The following MROH1 variants were observed in gnomAD, a reference collection of about 807,000 sequenced individuals.
MROH1 encodes maestro heat like repeat family member 1.
MROH1 carries 117 observed loss-of-function variants against 116.5 expected under a neutral mutation model. The ratio of observed to expected loss-of-function variants is 1.00; its 90% CI spans 0.86 to 1.17. MROH1 has a LOEUF of 1.17. Ranked by LOEUF, MROH1 falls within the 50% of genes most tolerant of loss-of-function variation. The pLI is 0.00. For synonymous variants in MROH1, 921 were observed against 583.9 expected (o/e 1.58, Z -8.32); for missense variants, 1,873 against 1,338.5 (o/e 1.40, Z -6.23).
chr8:144,177,780 CT>C, intron 4 of MROH1, among the ~76,000 whole-genome samples: 1 of 1,338 alleles, frequency 7.5e-4, no homozygotes, highest in Non-Finnish European at 2.6e-3. Flanking sequence ...CATGTGGCTT[CT>C]TCTCTTCCTC....
At chr8:144,188,852 C>A (rs888983854) in intron 7 of MROH1, among the ~76,000 whole-genome samples, 1 of 152,058 alleles carries the variant, frequency 6.6e-6, no homozygotes, top group African/African-American at 2.4e-5. Context: ...GTGGGAGAGC[C>A]AGGACTAGGC....
chr8:144,211,168 T>G (rs1834010423), intron 12 of MROH1, among the ~76,000 whole-genome samples: 1 of 152,192 alleles, frequency 6.6e-6, no homozygotes, highest in South Asian at 2.1e-4. Context: ...TTCTAGCACA[T>G]TGGCAGCTGG....
rs546375950 is a variant in MROH1 at position 144,194,148 on chromosome 8, C to T, written c.948+1747C>T. Among the ~76,000 whole-genome samples the T allele has an allele frequency of 2.5e-3, 379 of 152,222 alleles. 2 individuals are homozygous for T. Among genetic ancestry groups the T allele is most frequent in the Middle Eastern group, 0.014 (4 of 294 alleles). ...TGCGATCTTGGCTCACTGCAACCTC[C>T]GCCTCCTGGGTTTAAGCAATTCTCT... On this transcript the variant is annotated intron_variant, in intron 10 of 43. Transcript: ENST00000326134.
intron 12 of MROH1, among the ~76,000 whole-genome samples, chr8:144,218,388 C>T (rs916224270): frequency 2.0e-5 from 3 of 152,050 alleles, no homozygotes; most frequent in Admixed American, 6.6e-5. Flanking sequence ...GCACCGGACT[C>T]CTGCACCTAT....
rs1374124122 is a variant in MROH1 at position 144,260,256 on chromosome 8, G to C, written c.4262G>C (p.Ser1421Thr). ...CTGGACGACGGGGACAACCCTCACA[G>C]CCCAGTGGCCCTGGAGGCCATGCTG... ...GGLDDGDNPH[S>T]PVALEAMLGL... Residue 1421 changes from serine (S) to threonine (T), a missense_variant, in exon 39 of 44, where the codon AGC becomes ACC. Transcript: ENST00000326134. The C allele has an allele frequency of 1.3e-6, 1 of 766,342 alleles. No individual in the cohort carries two copies. The highest frequency in any genetic ancestry group is 2.4e-6 in the Non-Finnish European group (1 of 417,410). 47.5% of individuals were successfully genotyped at this position (766,342 alleles called of 1,614,324 possible).
At chr8:144,224,024 C>A (rs1297297024) in intron 14 of MROH1, among the ~76,000 whole-genome samples, 3 of 152,198 alleles carry the variant, frequency 2.0e-5, no homozygotes, top group African/African-American at 7.2e-5. Context: ...GTTCTGCAGG[C>A]CCCAGCAGGT....
Position 144,163,907 on chromosome 8 carries a change from C to G in MROH1, c.22+59C>G, listed in dbSNP as rs1438406673. ...GAGGCCTCTCTTGCCTCTGGGTGGTCAGGGCAGGCCAAGGCTCTTACCAGC... is the reference window on the plus strand; with the variant it reads ...GAGGCCTCTCTTGCCTCTGGGTGGTGAGGGCAGGCCAAGGCTCTTACCAGC... On this transcript the variant is annotated intron_variant, in intron 3 of 43. Coordinates refer to ENST00000326134, the MANE Select transcript of MROH1 (RefSeq NM_032450.3). The surrounding 1 kb of genome is among the most constrained non-coding windows in gnomAD (Gnocchi z 4.4). 1 of 1,585,418 alleles carries G rather than the reference C, an allele frequency of 6.3e-7. No homozygotes were observed. The highest frequency in any genetic ancestry group is 8.6e-7 in the Non-Finnish European group (1 of 1,156,536).
chr8:144,229,564 C>G (rs184650166), intron 14 of MROH1, among the ~76,000 whole-genome samples: 3 of 151,782 alleles, frequency 2.0e-5, no homozygotes, highest in Admixed American at 6.6e-5. Context: ...TTTGTTTTGT[C>G]TTGTTTTTTT....
rs1472927413 is a variant in MROH1 at position 144,243,592 on chromosome 8, A to G, written c.2451A>G (p.Lys817=). 1 of 779,912 alleles carries G rather than the reference A, an allele frequency of 1.3e-6. No individual in the cohort carries two copies. The highest frequency in any genetic ancestry group is 2.4e-6 in the Non-Finnish European group (1 of 417,826). 48.3% of individuals were successfully genotyped at this position (779,912 alleles called of 1,614,324 possible). A position where few individuals can be genotyped will look rare whatever the true frequency, so the allele number is the denominator to read the frequency against. ...TQAGSFHFTR[K]AELVAQMMEF... ...CTGGCTCCTTCCACTTCACCCGGAA[A>G]GCAGAGCTGGTGGCACAGATGATGG... Residue 817 remains lysine, a synonymous_variant, in exon 25 of 44, where the codon AAA becomes AAG. Coordinates refer to ENST00000326134, the MANE Select transcript of MROH1 (RefSeq NM_032450.3).
At chr8:144,184,386 A>G (rs1826426908) in intron 7 of MROH1, among the ~76,000 whole-genome samples, 1 of 152,184 alleles carries the variant, frequency 6.6e-6, no homozygotes, top group Non-Finnish European at 1.5e-5. Context: ...AGGACCAGCA[A>G]TATCAGTTAC....
chr8:144,259,595 C>T (rs1844592851), intron 37 of MROH1, among the ~76,000 whole-genome samples: 1 of 152,236 alleles, frequency 6.6e-6, no homozygotes, highest in Non-Finnish European at 1.5e-5. Context: ...CTCCCCAAGT[C>T]CAGCTGGGTA....
intron 4 of MROH1, chr8:144,175,181 A>G: frequency 1.0e-6 from 1 of 983,996 alleles, no homozygotes; most frequent in Non-Finnish European, 1.2e-6. Context: ...TCCTCCCAGC[A>G]GCGGATCTGG....
chr8:144,150,819 A>G (rs1816543841), intron 1 of MROH1, among the ~76,000 whole-genome samples: 1 of 152,134 alleles, frequency 6.6e-6, no homozygotes, highest in African/African-American at 2.4e-5. Context: ...TGCTGGGTAG[A>G]GTAGAGCATG....
chr8:144,217,147 C>T (rs1835447690), intron 12 of MROH1, among the ~76,000 whole-genome samples: 1 of 152,056 alleles, frequency 6.6e-6, no homozygotes, highest in Non-Finnish European at 1.5e-5. Flanking sequence ...GGGATCTCAT[C>T]ACTTAAAAAA....
chr8:144,261,687 G>T lies in MROH1; in HGVS notation c.4873G>T (p.Glu1625Ter). ...GATCCTGCTGAAGGACCCGGCCCCC[G>T]AGGTGCGGACGAGGGCTGCTGAGGC... ...LQILLKDPAP[E>*]VRTRAAEALG... Residue 1625 changes from glutamate (E) to a stop codon, truncating the protein, a stop_gained, in exon 44 of 44, where the codon GAG (glutamate) becomes TAG (stop). Transcript: ENST00000326134. LOFTEE classifies it high-confidence loss of function. 1 of 728,708 alleles carries T rather than the reference G, an allele frequency of 1.4e-6. No individual in the cohort carries two copies. 45.1% of individuals were successfully genotyped at this position (728,708 alleles called of 1,614,324 possible). A position where few individuals can be genotyped will look rare whatever the true frequency, so the allele number is the denominator to read the frequency against.
In MROH1 at chr8:144,202,781, T is replaced by C. The variant is rs1448377248; in HGVS notation, c.1141+2240T>C. Reference sequence around the variant, plus strand: ...TTGGGAGAGGAGCACCCGCTGTCTGTGGAGGGGCTGGGAGGGAAGCGCAGG... The same window carrying C: ...TTGGGAGAGGAGCACCCGCTGTCTGCGGAGGGGCTGGGAGGGAAGCGCAGG... On this transcript the variant is annotated intron_variant, in intron 12 of 43. Coordinates refer to ENST00000326134, the MANE Select transcript of MROH1 (RefSeq NM_032450.3). Among the ~76,000 whole-genome samples the C allele has an allele frequency of 5.1e-3, 156 of 30,384 alleles. 1 individual carries two copies. Among genetic ancestry groups the C allele is most frequent in the Non-Finnish European group, 3.6e-3 (62 of 17,100 alleles). The allele number at this position is 30,384 out of a possible 152,430, so 19.9% of individuals were successfully genotyped here. A position where few individuals can be genotyped will look rare whatever the true frequency, so the allele number is the denominator to read the frequency against.
chr8:144,260,809 G>A lies in MROH1; in HGVS notation c.4513G>A (p.Asp1505Asn). The part of the protein sequence containing the change: ...GLAPLLLHLQ[D>N]PQATVASACR... ...GGCGCCCCTGCTGCTGCACCTGCAG[G>A]ACCCTCAGGCCACCGTGGCCAGCGT... is the stretch of plus-strand genomic sequence containing the variant. The change falls in exon 40 of 44, where the codon GAC becomes AAC. Residue 1505 changes from aspartate to asparagine, a missense_variant. Transcript: ENST00000326134. 1 of 778,078 alleles carries A rather than the reference G, an allele frequency of 1.3e-6. No individual in the cohort carries two copies. The allele number at this position is 778,078 out of a possible 1,614,324, so 48.2% of individuals were successfully genotyped here. A position where few individuals can be genotyped will look rare whatever the true frequency, so the allele number is the denominator to read the frequency against.
chr8:144,156,747 G>T (rs1587723555), intron 1 of MROH1, among the ~76,000 whole-genome samples: 1 of 140,316 alleles, frequency 7.1e-6, no homozygotes, highest in Non-Finnish European at 1.5e-5. Context: ...GCACATCTGT[G>T]TCCATAAGGA....
In MROH1 at chr8:144,182,157, G is replaced by A. The variant is rs778927732; in HGVS notation, c.562+1634G>A. ...GAGGAAGCCGTATCAACCGGGTGAG[G>A]CCTAGTGGTGGGGGCGGTGGCAGGC... On this transcript the variant is annotated intron_variant, in intron 7 of 43. Transcript: ENST00000326134. The surrounding 1 kb of genome is among the most constrained non-coding windows in gnomAD (Gnocchi z 4.1). 3.9e-5 allele frequency among the ~76,000 whole-genome samples: 6 copies of A among 152,248 alleles called. No individual in the cohort carries two copies. Among genetic ancestry groups the A allele is most frequent in the Non-Finnish European group, 8.8e-5 (6 of 68,040 alleles).
Sources: gnomAD v4.1 joint callset for allele counts (sites outside exome capture counted in the v4.1 genomes callset) on GRCh38, gnomAD v4.1.1 for gene constraint, Gnocchi (gnomAD v3.1) non-coding constraint, MANE v1.5 for transcripts, NCBI Gene and HGNC (gene_info 2026-07-23, HGNC 2026-07-21) for gene names.